ROCK1: variants seen among roughly 807,000 people sequenced by gnomAD.
ROCK1 encodes rho-associated protein kinase 1.
Under a neutral mutation model 196.8 loss-of-function variants are expected in ROCK1, and 36 were observed. The observed-to-expected ratio is 0.18, with a 90% CI of 0.14 to 0.24. The LOEUF (loss-of-function observed/expected upper bound fraction) is 0.24, where lower values mean the gene tolerates loss of function less well. Ranked by LOEUF, ROCK1 falls within the 10% of genes least tolerant of loss-of-function variation. The probability of loss-of-function intolerance (pLI) is 1.00; values close to 1 mark genes in which losing one functional copy is unlikely to be tolerated. For synonymous variants in ROCK1, 443 were observed against 515.9 expected (o/e 0.86, Z 1.91); for missense variants, 920 against 1,562.0 (o/e 0.59, Z 6.93).
At chr18:20,993,563 G>C (rs559407256) in intron 16 of ROCK1, among the ~76,000 whole-genome samples, 4 of 152,264 alleles carry the variant, frequency 2.6e-5, no homozygotes, top group African/African-American at 9.6e-5. Context: ...CAAGTATTAA[G>C]TGGTCCATAT....
chr18:21,013,318 T>C (rs1293169350), intron 13 of ROCK1, among the ~76,000 whole-genome samples: 2 of 152,206 alleles, frequency 1.3e-5, no homozygotes, highest in Non-Finnish European at 2.9e-5. Flanking sequence ...GTCCAGGTTT[T>C]CCACTCAGCC....
chr18:20,992,047 C>A (rs1382892021), intron 17 of ROCK1, among the ~76,000 whole-genome samples: 8 of 152,088 alleles, frequency 5.3e-5, no homozygotes, highest in African/African-American at 1.7e-4. Context: ...AACAAAAAAA[C>A]CCCACAAAGT....
chr18:21,022,531 T>C (rs1207823885), intron 11 of ROCK1, among the ~76,000 whole-genome samples: 1 of 152,136 alleles, frequency 6.6e-6, no homozygotes, highest in East Asian at 1.9e-4. Flanking sequence ...GATTTTAAGG[T>C]TGGTTTCAAC....
Position 21,044,055 on chromosome 18 carries a change from A to G in ROCK1, c.675+47T>C, listed in dbSNP as rs752165021. 5 of 1,130,394 alleles carry G rather than the reference A, an allele frequency of 4.4e-6. No individual in the cohort carries two copies. The South Asian group carries it at 5.2e-5, about 12-fold the overall frequency. The allele number at this position is 1,130,394 out of a possible 1,614,324, so 70.0% of individuals were successfully genotyped here. A position where few individuals can be genotyped will look rare whatever the true frequency, so the allele number is the denominator to read the frequency against. ...TTCTTAAACCATTTTCTAAAGAAGCATCTACCTTGAATTAGCAAAAACTAA... is the reference window on the plus strand; with the variant it reads ...TTCTTAAACCATTTTCTAAAGAAGCGTCTACCTTGAATTAGCAAAAACTAA... On this transcript the variant is annotated intron_variant, in intron 6 of 32. Coordinates refer to ENST00000399799, the MANE Select transcript of ROCK1 (RefSeq NM_005406.3).
chr18:20,952,135 C>T (rs1379491101), intron 32 of ROCK1, among the ~76,000 whole-genome samples: 1 of 152,194 alleles, frequency 6.6e-6, no homozygotes, highest in Non-Finnish European at 1.5e-5. Context: ...GTAATCGCAG[C>T]ACTTTGGGAG....
intron 22 of ROCK1, among the ~76,000 whole-genome samples, chr18:20,973,631 T>C (rs1427050858): frequency 7.9e-5 from 12 of 152,124 alleles, no homozygotes; most frequent in Admixed American, 5.9e-4. Context: ...TAGCATTAGA[T>C]AAGAGCGTTA....
At chr18:20,972,342 A>T (rs2035437267) in intron 22 of ROCK1, among the ~76,000 whole-genome samples, 3 of 152,136 alleles carry the variant, frequency 2.0e-5, no homozygotes, top group Admixed American at 2.0e-4. Flanking sequence ...AAGGTCAGGG[A>T]ATCAGGAAGT....
In ROCK1 at chr18:21,094,023, T is replaced by G. The variant is rs567927723; in HGVS notation, c.93+16795A>C. Among the ~76,000 whole-genome samples the G allele has an allele frequency of 2.6e-5, 4 of 152,136 alleles. No homozygotes were observed. In the East Asian group the frequency reaches 7.7e-4, roughly 29 times the overall value. The stretch of plus-strand genomic sequence containing the variant: ...CTGACCTAAATGTAACTAATGAATC[T>G]TTTCCTCCAGAGCTCTATACTCAAG... On this transcript the variant is annotated intron_variant, in intron 1 of 32. Transcript: ENST00000399799.
chr18:21,086,706 C>G (rs557586177), intron 1 of ROCK1, among the ~76,000 whole-genome samples: 2 of 150,648 alleles, frequency 1.3e-5, no homozygotes, highest in Non-Finnish European at 3.0e-5. Flanking sequence ...CAGGACACAC[C>G]CAAAGAAACC....
intron 4 of ROCK1, among the ~76,000 whole-genome samples, chr18:21,046,479 T>C (rs1283506200): frequency 2.6e-5 from 4 of 152,252 alleles, no homozygotes; most frequent in Non-Finnish European, 5.9e-5. Context: ...TTACTGAATA[T>C]AGAAAGCACT....
intron 2 of ROCK1, among the ~76,000 whole-genome samples, chr18:21,051,131 G>A (rs566563055): frequency 2.4e-4 from 37 of 152,174 alleles, no homozygotes; most frequent in Non-Finnish European, 4.0e-4. Context: ...GAATAGTAGC[G>A]GTTAGCTAGA....
At chr18:21,046,290 A>G (rs762308832) in intron 4 of ROCK1, among the ~76,000 whole-genome samples, 49 of 152,272 alleles carry the variant, frequency 3.2e-4, no homozygotes, top group Non-Finnish European at 4.6e-4. Context: ...CTTCTAAAAC[A>G]CTGTAAGGAC....
In ROCK1 at chr18:20,966,651, C is replaced by G. The variant is rs575072502; in HGVS notation, c.3352+266G>C. On this transcript the variant is annotated intron_variant, in intron 27 of 32. Coordinates refer to ENST00000399799, the MANE Select transcript of ROCK1 (RefSeq NM_005406.3). ...ACTCTCACTGTGGACTTAGGCTGCT[C>G]AAAATAGGTTCATAAACCTCTTATG... Among the ~76,000 whole-genome samples the G allele has an allele frequency of 1.3e-4, 20 of 152,248 alleles. 2 individuals are homozygous for G. The South Asian group carries it at 4.1e-3, about 32-fold the overall frequency.
intron 13 of ROCK1, among the ~76,000 whole-genome samples, chr18:21,009,955 TAG>T (rs1210570287): frequency 6.6e-6 from 1 of 152,232 alleles, no homozygotes; most frequent in African/African-American, 2.4e-5. Flanking sequence ...TTTGAGAAGT[TAG>T]TCCCTTTCAT....
chr18:21,071,402 C>T (rs1179276048), intron 1 of ROCK1, among the ~76,000 whole-genome samples: 1 of 152,074 alleles, frequency 6.6e-6, no homozygotes, highest in Non-Finnish European at 1.5e-5. Flanking sequence ...TCTTGAACTC[C>T]AGACCTCAAG....
chr18:21,093,411 T>C (rs2036587281), intron 1 of ROCK1, among the ~76,000 whole-genome samples: 1 of 152,220 alleles, frequency 6.6e-6, no homozygotes, highest in Admixed American at 6.5e-5. Context: ...CAAATGCTGC[T>C]TTCTAAATTA....
intron 1 of ROCK1, among the ~76,000 whole-genome samples, chr18:21,107,739 G>T (rs1168227839): frequency 6.6e-6 from 1 of 152,130 alleles, no homozygotes; most frequent in African/African-American, 2.4e-5. Flanking sequence ...CCCAGAAAAA[G>T]GATTTTTTGT....
In ROCK1 at chr18:20,970,416, G is replaced by C. The variant is rs1424628099; in HGVS notation, c.2752C>G (p.Gln918Glu). 6.2e-7 allele frequency: 1 copy of C among 1,613,586 alleles called. No homozygotes were observed. Among genetic ancestry groups the C allele is most frequent in the Non-Finnish European group, 8.5e-7 (1 of 1,179,748 alleles). The change falls in exon 23 of 33, where the codon CAA becomes GAA. Residue 918 changes from glutamine to glutamate, a missense_variant. By Grantham distance (29) the Gln-to-Glu change is conservative. Transcript: ENST00000399799. ...CTTGAAGCAGCTTTCTTGCTTTCTT[G>C]CGTCAATTCAAAATACTGTTCTTCC... ...LLEEQYFELT[Q>E]ESKKAASRNR... is the part of the protein sequence containing the mutation.
chr18:21,071,051 A>G (rs2036379950), intron 1 of ROCK1, among the ~76,000 whole-genome samples: 2 of 152,188 alleles, frequency 1.3e-5, no homozygotes, highest in Non-Finnish European at 2.9e-5. Flanking sequence ...GCATAATCAC[A>G]AATGCAAGCT....
Sources: gnomAD v4.1 joint callset for allele counts (sites outside exome capture counted in the v4.1 genomes callset) on GRCh38, gnomAD v4.1.1 for gene constraint, MANE v1.5 for transcripts, NCBI Gene and HGNC (gene_info 2026-07-23, HGNC 2026-07-21) for gene names.